Variants in DHRSX observed in about 807,000 individuals in gnomAD.
The protein encoded by DHRSX is polyprenol dehydrogenase.
A neutral mutation model predicts 34.0 loss-of-function variants in DHRSX; 31 were observed. That is an observed-to-expected ratio of 0.91 (90% confidence interval 0.69 to 1.23). The LOEUF is 1.23. Among genes scored for constraint, DHRSX ranks in the 50% most tolerant of loss-of-function variants. DHRSX has a pLI of 0.00. For synonymous variants in DHRSX, 201 were observed against 183.8 expected, an observed-to-expected ratio of 1.09 and a Z score of -0.76; for missense variants, 414 against 428.1, an observed-to-expected ratio of 0.97 and a Z score of 0.29.
At chrX:2,463,077 G>A (rs1367713335) in intron 1 of DHRSX, among the ~76,000 whole-genome samples, 3 of 152,106 alleles carry the variant, frequency 2.0e-5, no homozygotes, top group Admixed American at 6.6e-5. Context: ...TATGAACCAG[G>A]GAGTGCATCC....
At chrX:2,226,841 G>A (rs1030281964) in intron 6 of DHRSX, among the ~76,000 whole-genome samples, 6 of 151,950 alleles carry the variant, frequency 3.9e-5, no homozygotes, top group Non-Finnish European at 8.8e-5. Context: ...CCATGGGCAC[G>A]GTTTCTCGTG....
chrX:2,254,607 C>T (rs1339907456), intron 5 of DHRSX, among the ~76,000 whole-genome samples: 11 of 152,108 alleles, frequency 7.2e-5, no homozygotes, highest in African/African-American at 2.7e-4. Context: ...GATCCGCCTA[C>T]CAGGAACTCA....
chrX:2,229,527 C>T (rs1294365964), intron 6 of DHRSX, among the ~76,000 whole-genome samples: 1 of 152,076 alleles, frequency 6.6e-6, no homozygotes, highest in African/African-American at 2.4e-5. Context: ...GGGATGCTGA[C>T]TCACACGCAA....
At chrX:2,411,394 C>T (rs2043626218) in intron 2 of DHRSX, among the ~76,000 whole-genome samples, 1 of 151,658 alleles carries the variant, frequency 6.6e-6, no homozygotes, top group South Asian at 2.1e-4. Flanking sequence ...ACTAAAAACA[C>T]AAAAATTAGA....
chrX:2,425,237 T>G lies in DHRSX; in HGVS notation c.177A>C (p.Thr59=). Residue 59 remains threonine, a synonymous_variant, in exon 2 of 7, where the codon ACA becomes ACC. Coordinates refer to ENST00000334651, the MANE Select transcript of DHRSX (RefSeq NM_145177.3). ...TGCCAAGTCTCGCCAGATGCTTCGC[T>G]GTAGAATAGCCAATGCCATCTGTCC... ...TGGTDGIGYS[T]AKHLARLGMH... is the part of the protein sequence containing the mutation. The G allele has an allele frequency of 6.2e-7, 1 of 1,613,794 alleles. No homozygotes were observed. The highest frequency in any genetic ancestry group is 8.5e-7 in the Non-Finnish European group (1 of 1,179,850).
At chrX:2,466,177 GCC>G (rs2044493189) in intron 1 of DHRSX, among the ~76,000 whole-genome samples, 1 of 152,194 alleles carries the variant, frequency 6.6e-6, no homozygotes, top group Non-Finnish European at 1.5e-5. Flanking sequence ...GGCGGCGCAT[GCC>G]TGTAATCCCA....
chrX:2,300,491 G>A (rs2041997156), intron 3 of DHRSX, among the ~76,000 whole-genome samples: 1 of 152,094 alleles, frequency 6.6e-6, no homozygotes, highest in African/African-American at 2.4e-5. Flanking sequence ...GAGTTAGTGG[G>A]GTGGGAAAGG....
At chrX:2,426,356 TTTCC>T (rs941391569) in intron 1 of DHRSX, among the ~76,000 whole-genome samples, 1 of 152,016 alleles carries the variant, frequency 6.6e-6, no homozygotes, top group Admixed American at 6.6e-5. Context: ...TCTCTCCATC[TTTCC>T]TTCCTTCCTT....
chrX:2,363,216 C>T (rs1224265654), intron 3 of DHRSX, among the ~76,000 whole-genome samples: 1 of 87,730 alleles, frequency 1.1e-5, no homozygotes. Context: ...ATTTTATCAC[C>T]GTTCTATGGT....
chrX:2,305,876 A>G (rs2042091723), intron 3 of DHRSX, among the ~76,000 whole-genome samples: 1 of 152,172 alleles, frequency 6.6e-6, no homozygotes, highest in Non-Finnish European at 1.5e-5. Context: ...GCTTTAAAAG[A>G]AATACCTAAT....
chrX:2,435,461 GA>G (rs10606301), intron 1 of DHRSX, among the ~76,000 whole-genome samples: 71,424 of 143,882 alleles, frequency 0.5, 17,493 homozygotes, highest in African/African-American at 0.56. Context: ...ACCTTAATTG[GA>G]AAAAAAAAAA....
chrX:2,500,142 A>T (rs972895466), intron 1 of DHRSX, among the ~76,000 whole-genome samples: 9 of 152,228 alleles, frequency 5.9e-5, no homozygotes, highest in Non-Finnish European at 1.0e-4. Flanking sequence ...CGAGTCCTGC[A>T]AAGTTGGAGA....
intron 3 of DHRSX, among the ~76,000 whole-genome samples, chrX:2,303,150 AG>A (rs1253366542): frequency 6.6e-6 from 1 of 152,210 alleles, no homozygotes; most frequent in African/African-American, 2.4e-5. Context: ...TAAAAAAACT[AG>A]AAGATGCATT....
intron 5 of DHRSX, among the ~76,000 whole-genome samples, chrX:2,244,432 T>C (rs919132400): frequency 6.6e-6 from 1 of 152,104 alleles, no homozygotes; most frequent in African/African-American, 2.4e-5. Flanking sequence ...GAGATGTTAT[T>C]TGCGGTGTTA....
At chrX:2,369,340 A>T (rs767036817) in intron 3 of DHRSX, among the ~76,000 whole-genome samples, 1 of 152,204 alleles carries the variant, frequency 6.6e-6, no homozygotes. Flanking sequence ...AGAAGAAAAG[A>T]AAATGAGCAA....
chrX:2,320,196 T>C (rs1056359255), intron 3 of DHRSX, among the ~76,000 whole-genome samples: 2 of 151,866 alleles, frequency 1.3e-5, no homozygotes, highest in East Asian at 1.9e-4. Context: ...TCAAGATTCT[T>C]AGAACACAGA....
intron 3 of DHRSX, among the ~76,000 whole-genome samples, chrX:2,307,663 G>T (rs1261327975): frequency 6.6e-6 from 1 of 151,682 alleles, no homozygotes; most frequent in Non-Finnish European, 1.5e-5. Flanking sequence ...TACTCAGGAG[G>T]CTGAGGCAGG....
At chrX:2,349,358 G>A (rs1353075734) in intron 3 of DHRSX, among the ~76,000 whole-genome samples, 2 of 152,120 alleles carry the variant, frequency 1.3e-5, no homozygotes, top group African/African-American at 4.8e-5. Context: ...AGAAAATGCG[G>A]TACACGCACA....
chrX:2,406,078 G>A (rs1244050447), intron 3 of DHRSX, among the ~76,000 whole-genome samples: 1 of 152,124 alleles, frequency 6.6e-6, no homozygotes, highest in Non-Finnish European at 1.5e-5. Flanking sequence ...CGGATCACGA[G>A]GTCAGGAGTT....
Sources: allele counts gnomAD v4.1 joint callset (sites outside exome capture counted in the v4.1 genomes callset), GRCh38; gene constraint gnomAD v4.1.1; transcripts MANE v1.5; gene names NCBI Gene and HGNC (gene_info 2026-07-23, HGNC 2026-07-21).